Variants in AGAP1 observed in about 807,000 individuals in gnomAD.
The protein encoded by AGAP1 is arf-GAP with GTPase, ANK repeat and PH domain-containing protein 1.
Under a neutral mutation model 105.3 loss-of-function variants are expected in AGAP1, and 29 were observed. That is an observed-to-expected ratio of 0.28 (90% CI 0.21 to 0.38). AGAP1 has a LOEUF of 0.38. Ranked by LOEUF, AGAP1 falls within the 10% of genes least tolerant of loss-of-function variation. The probability of loss-of-function intolerance (pLI) is 1.00; values close to 1 mark genes in which losing one functional copy is unlikely to be tolerated. For synonymous variants in AGAP1, 509 were observed against 485.9 expected, an observed-to-expected ratio of 1.05 and a Z score of -0.63; for missense variants, 998 against 1,165.1, an observed-to-expected ratio of 0.86 and a Z score of 2.09.
intron 2 of AGAP1, among the ~76,000 whole-genome samples, chr2:235,709,855 A>G (rs58662523): frequency 0.28 from 42,754 of 152,094 alleles, 6,418 homozygotes; most frequent in African/African-American, 0.36. Flanking sequence ...GTAGGATGGA[A>G]GGAAGGGGCA....
rs115466433 is a variant in AGAP1 at position 235,879,926 on chromosome 2, G to A, written c.1051-3419G>A. 0.022 allele frequency among the ~76,000 whole-genome samples: 3,310 copies of A among 151,976 alleles called. 110 individuals are homozygous for A. The highest frequency in any genetic ancestry group is 0.076 in the African/African-American group (3,155 of 41,386). On this transcript the variant is annotated intron_variant, in intron 9 of 17. Coordinates refer to ENST00000304032, the MANE Select transcript of AGAP1 (RefSeq NM_001037131.3). This position sits in a 1 kb window ranked among gnomAD's most constrained non-coding sequence, Gnocchi z 5.0. ...TGCACTCCAACCTGGGCAACAGAGC[G>A]AGACCTTATCTCTACAAAAAACAGA...
rs1293129762 is a variant in AGAP1 at position 235,889,745 on chromosome 2, A to G, written c.1155+6296A>G. Among the ~76,000 whole-genome samples, 6 of 152,084 alleles carry G rather than the reference A, an allele frequency of 3.9e-5. No homozygotes were observed. Among genetic ancestry groups the G allele is most frequent in the African/African-American group, 1.4e-4 (6 of 41,422 alleles). On this transcript the variant is annotated intron_variant, in intron 10 of 17. Transcript: ENST00000304032. The surrounding 1 kb of genome is among the most constrained non-coding windows in gnomAD (Gnocchi z 4.6). The stretch of plus-strand genomic sequence containing the variant: ...AAACCTTTTTCTCCAGGTCTGTTTC[A>G]TGTTGTTGAAAACCTCAAACCTTTT...
At chr2:235,933,255 T>C (rs145909058) in intron 12 of AGAP1, among the ~76,000 whole-genome samples, 5 of 152,224 alleles carry the variant, frequency 3.3e-5, no homozygotes, top group African/African-American at 1.2e-4. Flanking sequence ...ATTATAAGCA[T>C]TGGGGCACTT....
rs543153121 is a variant in AGAP1 at position 235,543,122 on chromosome 2, CGTTGGGT to C, written c.163+48306_163+48312del. 7.3e-3 allele frequency among the ~76,000 whole-genome samples: 1,050 copies of C among 143,180 alleles called. 18 individuals are homozygous for C. Among genetic ancestry groups the C allele is most frequent in the African/African-American group, 0.016 (611 of 38,198 alleles). 93.9% of individuals were successfully genotyped at this position (143,180 alleles called of 152,430 possible). On this transcript the variant is annotated intron_variant, in intron 1 of 17. Transcript: ENST00000304032. The stretch of plus-strand genomic sequence containing the variant: ...TCCCCCCCCCCCGCCCCCTGCCCCT[CGTTGGGT>C]GTTGGGTGTTGGGTGTTGGGTGTTG...
At chr2:235,537,506 A>C (rs1943278659) in intron 1 of AGAP1, among the ~76,000 whole-genome samples, 1 of 152,168 alleles carries the variant, frequency 6.6e-6, no homozygotes, top group Non-Finnish European at 1.5e-5. Flanking sequence ...CAGTGGGGAG[A>C]GGACAGCACC....
chr2:235,619,644 CT>C (rs1427549643), intron 1 of AGAP1, among the ~76,000 whole-genome samples: 2 of 152,208 alleles, frequency 1.3e-5, no homozygotes, highest in Non-Finnish European at 2.9e-5. Context: ...AGATGCAGCT[CT>C]TTTCCCCATG....
At chr2:235,521,914 G>T (rs919502175) in intron 1 of AGAP1, among the ~76,000 whole-genome samples, 2 of 152,146 alleles carry the variant, frequency 1.3e-5, no homozygotes, top group African/African-American at 4.8e-5. Context: ...TTTCGCTAAA[G>T]GTTGCCAAAT....
intron 10 of AGAP1, among the ~76,000 whole-genome samples, chr2:235,902,703 C>G (rs555637947): frequency 8.5e-5 from 13 of 152,292 alleles, no homozygotes; most frequent in African/African-American, 2.4e-4. Context: ...AGGTAAAAAT[C>G]TTGTCCCACC....
At position 236,115,732 on chromosome 2, in the gene AGAP1, C is replaced by A. The variant is rs563085548; in HGVS notation, c.2115-4460C>A. ...AGTGGCTGCCCCAACTCCCTGGCCACCTCCTACTGTCCGAGAAAACACTGA... is the reference window on the plus strand; with the variant it reads ...AGTGGCTGCCCCAACTCCCTGGCCAACTCCTACTGTCCGAGAAAACACTGA... On this transcript the variant is annotated intron_variant, in intron 16 of 17. Transcript: ENST00000304032. 2.0e-5 allele frequency among the ~76,000 whole-genome samples: 3 copies of A among 152,358 alleles called. No homozygotes were observed. The South Asian group carries it at 6.2e-4, about 32-fold the overall frequency.
Position 236,000,457 on chromosome 2 carries a change from C to T in AGAP1, c.1645+31834C>T, listed in dbSNP as rs1194679020. ...CAAATAATAAACAGTTGTTCAGAGA[C>T]AGTGGTACTGCGTCCCCCTCCTCCA... On this transcript the variant is annotated intron_variant, in intron 13 of 17. Transcript: ENST00000304032. This position sits in a 1 kb window ranked among gnomAD's most constrained non-coding sequence, Gnocchi z 4.3. 2.0e-5 allele frequency among the ~76,000 whole-genome samples: 3 copies of T among 152,182 alleles called. No homozygotes were observed. The highest frequency in any genetic ancestry group is 2.0e-4 in the Admixed American group (3 of 15,282).
At chr2:236,097,098 C>T (rs1362086107) in intron 16 of AGAP1, among the ~76,000 whole-genome samples, 1 of 152,140 alleles carries the variant, frequency 6.6e-6, no homozygotes, top group African/African-American at 2.4e-5. Flanking sequence ...CAAAGTCCAT[C>T]AAATCTTAAA....
chr2:235,748,533 G>T (rs1040408095), intron 5 of AGAP1, among the ~76,000 whole-genome samples: 2 of 152,226 alleles, frequency 1.3e-5, no homozygotes, highest in African/African-American at 2.4e-5. Context: ...TGGAACGGGG[G>T]TGCAGCCTAT....
rs532716280 is a variant in AGAP1, at chr2:236,082,257, A to G, written c.2114+32976A>G. On this transcript the variant is annotated intron_variant, in intron 16 of 17. Coordinates refer to ENST00000304032, the MANE Select transcript of AGAP1 (RefSeq NM_001037131.3). The surrounding 1 kb of genome is among the most constrained non-coding windows in gnomAD (Gnocchi z 4.2). Reference sequence around the variant, plus strand: ...TTCTGATCTCATCGCTGGAAGTTATAGATGCAGATATTATTTGCACTGCGG... The same window carrying G: ...TTCTGATCTCATCGCTGGAAGTTATGGATGCAGATATTATTTGCACTGCGG... Among the ~76,000 whole-genome samples, 11 of 152,340 alleles carry G rather than the reference A, an allele frequency of 7.2e-5. No homozygotes were observed. Among genetic ancestry groups the G allele is most frequent in the Non-Finnish European group, 1.3e-4 (9 of 68,036 alleles).
Position 235,979,170 on chromosome 2 carries a change from T to C in AGAP1, c.1645+10547T>C, listed in dbSNP as rs1194461296. Among the ~76,000 whole-genome samples the C allele has an allele frequency of 1.3e-5, 2 of 150,612 alleles. No homozygotes were observed. The highest frequency in any genetic ancestry group is 1.3e-4 in the Admixed American group (2 of 15,094). On this transcript the variant is annotated intron_variant, in intron 13 of 17. Transcript: ENST00000304032. The surrounding 1 kb of genome is among the most constrained non-coding windows in gnomAD (Gnocchi z 4.5). ...TTTTTTTTTTGGGATATGATCTCAC[T>C]GTGTTGTCCGGGCTAGTCTCAAATC...
chr2:236,108,229 C>G (rs1431085890), intron 16 of AGAP1, among the ~76,000 whole-genome samples: 1 of 152,242 alleles, frequency 6.6e-6, no homozygotes, highest in African/African-American at 2.4e-5. Flanking sequence ...GGGGTCTTCC[C>G]CTACCGAGAA....
chr2:235,615,000 G>A lies in AGAP1; in HGVS notation c.164-94179G>A, dbSNP rs1946262897. Among the ~76,000 whole-genome samples, 1 of 152,194 alleles carries A rather than the reference G, an allele frequency of 6.6e-6. No individual in the cohort carries two copies. The highest frequency in any genetic ancestry group is 1.5e-5 in the Non-Finnish European group (1 of 68,044). On this transcript the variant is annotated intron_variant, in intron 1 of 17. Transcript: ENST00000304032. The surrounding 1 kb of genome is among the most constrained non-coding windows in gnomAD (Gnocchi z 4.7). The stretch of plus-strand genomic sequence containing the variant: ...GTGTGTGGTGCGCTCAAATAAAGGA[G>A]GCTGTTCAAGGTGAGTGGTTTTCCT...
rs951193962 is a variant in AGAP1 at position 236,076,276 on chromosome 2, C to T, written c.2114+26995C>T. Among the ~76,000 whole-genome samples, 1 of 152,098 alleles carries T rather than the reference C, an allele frequency of 6.6e-6. No individual in the cohort carries two copies. The highest frequency in any genetic ancestry group is 1.5e-5 in the Non-Finnish European group (1 of 68,014). Reference sequence around the variant, plus strand: ...ACCAGCCTGGCCAACATGGTGAACCCCCATCTACTACAAATACAAAAATTA... The same window carrying T: ...ACCAGCCTGGCCAACATGGTGAACCTCCATCTACTACAAATACAAAAATTA... On this transcript the variant is annotated intron_variant, in intron 16 of 17. Transcript: ENST00000304032. The surrounding 1 kb of genome is among the most constrained non-coding windows in gnomAD (Gnocchi z 4.4).
At position 236,036,809 on chromosome 2, in the gene AGAP1, A is replaced by G; in HGVS notation, c.1800+94A>G. On this transcript the variant is annotated intron_variant, in intron 14 of 17. Coordinates refer to ENST00000304032, the MANE Select transcript of AGAP1 (RefSeq NM_001037131.3). This position sits in a 1 kb window ranked among gnomAD's most constrained non-coding sequence, Gnocchi z 5.7. ...CCCAGGGAGGAGAAAATAGAGGACC[A>G]GTGTGAATGACAGGACCTAGCTATT... 6.5e-7 allele frequency: 1 copy of G among 1,529,208 alleles called. No individual in the cohort carries two copies. Among genetic ancestry groups the G allele is most frequent in the East Asian group, 2.3e-5 (1 of 44,318 alleles). The allele number at this position is 1,529,208 out of a possible 1,614,324, so 94.7% of individuals were successfully genotyped here.
rs1366822446 is a variant in AGAP1, at chr2:235,728,198, C to T, written c.310+10554C>T. Reference sequence around the variant, plus strand: ...TTAGGTCGAGTGCCAGAAAGAATTACATCAGGAGAATCTGAGATGTAGTGA... The same window carrying T: ...TTAGGTCGAGTGCCAGAAAGAATTATATCAGGAGAATCTGAGATGTAGTGA... On this transcript the variant is annotated intron_variant, in intron 3 of 17. Transcript: ENST00000304032. The surrounding 1 kb of genome is among the most constrained non-coding windows in gnomAD (Gnocchi z 4.3). 6.6e-6 allele frequency among the ~76,000 whole-genome samples: 1 copy of T among 152,100 alleles called. No individual in the cohort carries two copies. The highest frequency in any genetic ancestry group is 1.5e-5 in the Non-Finnish European group (1 of 68,028).
Sources: gnomAD v4.1 joint callset for allele counts (sites outside exome capture counted in the v4.1 genomes callset) on GRCh38, gnomAD v4.1.1 for gene constraint, Gnocchi (gnomAD v3.1) non-coding constraint, MANE v1.5 for transcripts, NCBI Gene and HGNC (gene_info 2026-07-23, HGNC 2026-07-21) for gene names.